The following CELF5 variants were observed in gnomAD, a reference collection of about 807,000 sequenced individuals.
CELF5 encodes the protein CUG-BP and ETR-3 like factor 5.
In CELF5, 6 loss-of-function variants were observed where a neutral mutation model predicts 54.9. That is an observed-to-expected ratio of 0.11 (90% CI 0.06 to 0.22). The LOEUF is 0.22. Ranked by LOEUF, CELF5 falls within the 10% of genes least tolerant of loss-of-function variation. The probability of loss-of-function intolerance (pLI) is 1.00; values close to 1 mark genes in which losing one functional copy is unlikely to be tolerated. For missense variants in CELF5, 401 were observed against 678.6 expected (o/e 0.59, Z 4.54); for synonymous variants, 271 against 290.9 (o/e 0.93, Z 0.70).
intron 1 of CELF5, among the ~76,000 whole-genome samples, chr19:3,240,223 G>A (rs906828750): frequency 1.3e-4 from 20 of 152,110 alleles, no homozygotes; most frequent in Middle Eastern, 3.4e-3. Context: ...CATCATGTTG[G>A]CCAGACTGGT....
At chr19:3,234,528 C>G (rs935785307) in intron 1 of CELF5, among the ~76,000 whole-genome samples, 1 of 152,056 alleles carries the variant, frequency 6.6e-6, no homozygotes, top group Non-Finnish European at 1.5e-5. Context: ...GAATGCTGCT[C>G]AATACCCCAC....
chr19:3,245,820 A>G (rs766368030), intron 1 of CELF5, among the ~76,000 whole-genome samples: 14 of 152,216 alleles, frequency 9.2e-5, no homozygotes, highest in Non-Finnish European at 1.6e-4. Flanking sequence ...CAAAGTGACA[A>G]GGTGCCCAGC....
chr19:3,264,276 T>C (rs917095209), intron 2 of CELF5, among the ~76,000 whole-genome samples: 3 of 148,718 alleles, frequency 2.0e-5, no homozygotes, highest in Non-Finnish European at 3.0e-5. Flanking sequence ...TTTTGCCATT[T>C]ATAAATATGT....
intron 2 of CELF5, among the ~76,000 whole-genome samples, chr19:3,253,136 A>C (rs2079674064): frequency 6.6e-6 from 1 of 152,020 alleles, no homozygotes; most frequent in East Asian, 1.9e-4. Context: ...CCCACAACCG[A>C]ACAAAAAATC....
rs531140646 is a variant in CELF5 at position 3,282,991 on chromosome 19, C to T, written c.1039+493C>T. 4.6e-5 allele frequency among the ~76,000 whole-genome samples: 7 copies of T among 152,104 alleles called. No homozygotes were observed. The highest frequency in any genetic ancestry group is 7.2e-5 in the African/African-American group (3 of 41,410). On this transcript the variant is annotated intron_variant, in intron 8 of 12. Coordinates refer to ENST00000292672, the MANE Select transcript of CELF5 (RefSeq NM_021938.4). The surrounding 1 kb of genome is among the most constrained non-coding windows in gnomAD (Gnocchi z 5.2). The stretch of plus-strand genomic sequence containing the variant: ...GATTACAGGCGCATGCCACCATGCC[C>T]GGCTAATTTTTGTAGTTTTAGTAGA...
At chr19:3,276,818 C>A (rs1026412977) in intron 4 of CELF5, among the ~76,000 whole-genome samples, 4 of 77,488 alleles carry the variant, frequency 5.2e-5, no homozygotes. Flanking sequence ...GGCGGGGGGG[C>A]TTCTCCAGGT....
chr19:3,284,745 C>T (rs2080205778), intron 8 of CELF5, 157 bp from the exon 9 acceptor site: 1 of 662,676 alleles, frequency 1.5e-6, no homozygotes, highest in Non-Finnish European at 2.7e-6. Context: ...AGTGGCTTCA[C>T]CTTCCTCGGC....
chr19:3,240,765 T>C (rs10402093), intron 1 of CELF5, among the ~76,000 whole-genome samples: 23,277 of 151,816 alleles, frequency 0.15, 2,040 homozygotes, highest in East Asian at 0.24. Context: ...CAGCCCTGCC[T>C]TTCTCTTGGC....
Position 3,228,829 on chromosome 19 carries a change from C to T in CELF5, c.259+3831C>T, listed in dbSNP as rs1254287550. 8.5e-6 allele frequency among the ~76,000 whole-genome samples: 1 copy of T among 117,588 alleles called. No individual in the cohort carries two copies. Among genetic ancestry groups the T allele is most frequent in the Admixed American group, 8.5e-5 (1 of 11,742 alleles). The allele number at this position is 117,588 out of a possible 152,430, so 77.1% of individuals were successfully genotyped here. On this transcript the variant is annotated intron_variant, in intron 1 of 12. Transcript: ENST00000292672. This position sits in a 1 kb window ranked among gnomAD's most constrained non-coding sequence, Gnocchi z 6.0. ...GAGCAGTTGGCACCCCTGGTGGTGG[C>T]GGGGACAGCGGCAGGGGGCTGGGGG...
intron 1 of CELF5, among the ~76,000 whole-genome samples, chr19:3,241,625 G>T (rs1160587785): frequency 6.6e-6 from 1 of 152,010 alleles, no homozygotes; most frequent in African/African-American, 2.4e-5. Flanking sequence ...GTGGGTGGGG[G>T]ATAAGCTGTG....
chr19:3,276,637 G>C (rs2080058471), intron 4 of CELF5, among the ~76,000 whole-genome samples: 1 of 141,418 alleles, frequency 7.1e-6, no homozygotes. Context: ...CTACCTGCAT[G>C]CTCTCTCTGC....
chr19:3,230,534 A>G (rs2046280389), intron 1 of CELF5, among the ~76,000 whole-genome samples: 1 of 152,180 alleles, frequency 6.6e-6, no homozygotes, highest in Non-Finnish European at 1.5e-5. Context: ...GAGGCGTGGG[A>G]GATGAGGCTG....
In CELF5 at chr19:3,293,305, C is replaced by T. The variant is rs1470203518; in HGVS notation, c.1331-14C>T. On this transcript the variant is annotated splice_polypyrimidine_tract_variant and intron_variant, in intron 11 of 12. Coordinates refer to ENST00000292672, the MANE Select transcript of CELF5 (RefSeq NM_021938.4). The stretch of plus-strand genomic sequence containing the variant: ...CGCAGCGCCAACCACGGAGGTCCAC[C>T]CTGGTTTCTGCAGGCTTCGTGAGCT... 3.7e-6 allele frequency: 6 copies of T among 1,613,816 alleles called. No homozygotes were observed. Among genetic ancestry groups the T allele is most frequent in the Non-Finnish European group, 4.2e-6 (5 of 1,179,902 alleles).
At chr19:3,231,488 GGA>G (rs1917254313) in intron 1 of CELF5, among the ~76,000 whole-genome samples, 1 of 139,402 alleles carries the variant, frequency 7.2e-6, no homozygotes, top group Admixed American at 6.9e-5. Context: ...ATGGATGGAT[GGA>G]TGGGTGGATG....
chr19:3,291,724 A>C (rs2145319873), intron 11 of CELF5, among the ~76,000 whole-genome samples: 1 of 148,400 alleles, frequency 6.7e-6, no homozygotes, highest in East Asian at 2.1e-4. Context: ...GAGGAGGCCC[A>C]TGTGGCTGGA....
At chr19:3,292,274 T>C (rs1599492849) in intron 11 of CELF5, among the ~76,000 whole-genome samples, 1 of 148,972 alleles carries the variant, frequency 6.7e-6, no homozygotes, top group Admixed American at 6.7e-5. Flanking sequence ...CCTCACACTG[T>C]CCTGTTTAAA....
intron 1 of CELF5, among the ~76,000 whole-genome samples, chr19:3,226,398 A>G (rs1916913014): frequency 6.8e-6 from 1 of 147,354 alleles, no homozygotes; most frequent in African/African-American, 2.5e-5. Flanking sequence ...GAGGGAGGAA[A>G]GAAACCCCTC....
chr19:3,274,972 TTCTC>T (rs749632072), intron 3 of CELF5, among the ~76,000 whole-genome samples: 15 of 152,082 alleles, frequency 9.9e-5, no homozygotes, highest in South Asian at 4.2e-4. Context: ...ATCCCTCTTA[TTCTC>T]TCTGTCTCTC....
Position 3,228,153 on chromosome 19 carries a change from G to GAC in CELF5, c.259+3158_259+3159dup, listed in dbSNP as rs1156675473. 1.3e-5 allele frequency among the ~76,000 whole-genome samples: 2 copies of GAC among 151,934 alleles called. No homozygotes were observed. Among genetic ancestry groups the GAC allele is most frequent in the Non-Finnish European group, 2.9e-5 (2 of 67,952 alleles). ...ATGAGGACACAGAGAGAGAGAGAGA[G>GAC]ACACGCAGGGAAAGAGAGACAGAGA... On this transcript the variant is annotated intron_variant, in intron 1 of 12. Transcript: ENST00000292672. This position sits in a 1 kb window ranked among gnomAD's most constrained non-coding sequence, Gnocchi z 6.0.
Sources: gnomAD v4.1 joint callset for allele counts (sites outside exome capture counted in the v4.1 genomes callset) on GRCh38, gnomAD v4.1.1 for gene constraint, Gnocchi (gnomAD v3.1) non-coding constraint, MANE v1.5 for transcripts, NCBI Gene and HGNC (gene_info 2026-07-23, HGNC 2026-07-21) for gene names.